The following NKAIN3 variants were observed in gnomAD, a reference collection of about 807,000 sequenced individuals.
NKAIN3 encodes the protein sodium/potassium transporting ATPase interacting 3.
Under a neutral mutation model 30.2 loss-of-function variants are expected in NKAIN3, and 25 were observed. The observed-to-expected ratio is 0.83, with a 90% CI of 0.60 to 1.16. The LOEUF (loss-of-function observed/expected upper bound fraction) is 1.16. Among genes scored for constraint, NKAIN3 ranks in the 50% most tolerant of loss-of-function variants. The pLI, the probability that NKAIN3 is intolerant of heterozygous loss-of-function variation, is 0.00. For missense variants in NKAIN3, 225 were observed against 254.1 expected, an observed-to-expected ratio of 0.89 and a Z score of 0.78; for synonymous variants, 91 against 89.6, an observed-to-expected ratio of 1.02 and a Z score of -0.09.
At chr8:62,905,462 A>G (rs1313573095) in intron 4 of NKAIN3, among the ~76,000 whole-genome samples, 2 of 152,242 alleles carry the variant, frequency 1.3e-5, no homozygotes, top group African/African-American at 2.4e-5. Flanking sequence ...TAATTGCTAT[A>G]AAACTCACCT....
At chr8:62,284,463 C>G (rs966316926) in intron 1 of NKAIN3, among the ~76,000 whole-genome samples, 23 of 151,884 alleles carry the variant, frequency 1.5e-4, no homozygotes, top group Admixed American at 1.1e-3. Flanking sequence ...CCCATCTCTA[C>G]GAAAAATACA....
chr8:62,339,472 G>A (rs1304637086), intron 1 of NKAIN3, among the ~76,000 whole-genome samples: 1 of 151,974 alleles, frequency 6.6e-6, no homozygotes, highest in Non-Finnish European at 1.5e-5. Flanking sequence ...AACGTCCGGG[G>A]ATAAAAGTTC....
intron 4 of NKAIN3, among the ~76,000 whole-genome samples, chr8:62,917,999 G>A (rs747070337): frequency 7.9e-5 from 12 of 152,156 alleles, no homozygotes; most frequent in Non-Finnish European, 1.8e-4. Flanking sequence ...CATTCCCAGA[G>A]CATTTTAAAT....
chr8:62,898,939 T>C (rs182066339), intron 4 of NKAIN3, among the ~76,000 whole-genome samples: 1 of 137,558 alleles, frequency 7.3e-6, no homozygotes, highest in African/African-American at 2.8e-5. Flanking sequence ...AGATATTTCT[T>C]AAAAGAAAAC....
intron 3 of NKAIN3, among the ~76,000 whole-genome samples, chr8:62,741,531 A>G (rs985355690): frequency 7.9e-5 from 12 of 152,224 alleles, no homozygotes; most frequent in Admixed American, 2.6e-4. Context: ...TCTTATCACC[A>G]GAGTTGAAGA....
intron 3 of NKAIN3, among the ~76,000 whole-genome samples, chr8:62,604,338 T>G (rs374735510): frequency 1.3e-5 from 2 of 152,276 alleles, no homozygotes; most frequent in Admixed American, 6.5e-5. Context: ...TTGCCTGCTT[T>G]CTGATTCAGG....
At chr8:62,421,132 C>A (rs1408620892) in intron 1 of NKAIN3, among the ~76,000 whole-genome samples, 1 of 152,126 alleles carries the variant, frequency 6.6e-6, no homozygotes, top group African/African-American at 2.4e-5. Context: ...TCAGTCCTTA[C>A]CATGAGGTGG....
At chr8:62,582,978 T>C (rs1043859205) in intron 2 of NKAIN3, among the ~76,000 whole-genome samples, 2 of 152,176 alleles carry the variant, frequency 1.3e-5, no homozygotes, top group African/African-American at 4.8e-5. Context: ...GCCTGGTGTT[T>C]GTGTCCCGGT....
At chr8:62,648,559 G>A (rs966043905) in intron 3 of NKAIN3, among the ~76,000 whole-genome samples, 6 of 152,014 alleles carry the variant, frequency 3.9e-5, no homozygotes, top group African/African-American at 1.5e-4. Flanking sequence ...AATACACAGG[G>A]GTATATCACC....
At chr8:62,282,721 T>A (rs1188739004) in intron 1 of NKAIN3, among the ~76,000 whole-genome samples, 1 of 152,202 alleles carries the variant, frequency 6.6e-6, no homozygotes, top group Non-Finnish European at 1.5e-5. Context: ...TTGTTTGTAT[T>A]TGCCTGTGAT....
chr8:62,404,402 G>T (rs928260763), intron 1 of NKAIN3, among the ~76,000 whole-genome samples: 1 of 152,130 alleles, frequency 6.6e-6, no homozygotes, highest in African/African-American at 2.4e-5. Context: ...TTGAATTGTA[G>T]ATCCAATAAT....
At chr8:62,832,567 A>G (rs1434643580) in intron 4 of NKAIN3, among the ~76,000 whole-genome samples, 1 of 151,432 alleles carries the variant, frequency 6.6e-6, no homozygotes, top group Non-Finnish European at 1.5e-5. Flanking sequence ...CATTATCATT[A>G]TAATGATATT....
chr8:62,499,388 GTAAC>G (rs1335594850), intron 1 of NKAIN3, among the ~76,000 whole-genome samples: 1 of 152,070 alleles, frequency 6.6e-6, no homozygotes. Flanking sequence ...TCTGGAGATA[GTAAC>G]TGTATTTTCT....
intron 1 of NKAIN3, among the ~76,000 whole-genome samples, chr8:62,280,439 C>T (rs1813140622): frequency 6.6e-6 from 1 of 152,080 alleles, no homozygotes; most frequent in Non-Finnish European, 1.5e-5. Context: ...GAGACGGCAT[C>T]CCTATCTTGT....
intron 1 of NKAIN3, among the ~76,000 whole-genome samples, chr8:62,507,268 C>T (rs1031119406): frequency 5.3e-5 from 8 of 152,120 alleles, no homozygotes; most frequent in East Asian, 1.9e-4. Flanking sequence ...GTGAACAAAG[C>T]GTAAATGCTG....
intron 1 of NKAIN3, among the ~76,000 whole-genome samples, chr8:62,428,343 T>C (rs532142897): frequency 6.6e-6 from 1 of 152,088 alleles, no homozygotes; most frequent in African/African-American, 2.4e-5. Flanking sequence ...ATTTCCTTTC[T>C]TTTGAATACG....
intron 1 of NKAIN3, among the ~76,000 whole-genome samples, chr8:62,527,882 G>GGTGTGTGTGT (rs68020312): frequency 0.26 from 37,176 of 143,402 alleles, 5,901 homozygotes; most frequent in Non-Finnish European, 0.37. Context: ...ACTTTTTTTT[G>GGTGTGTGTGT]GTGTGTGTGT....
intron 3 of NKAIN3, among the ~76,000 whole-genome samples, chr8:62,735,620 C>T (rs1430296398): frequency 6.6e-6 from 1 of 152,104 alleles, no homozygotes; most frequent in East Asian, 1.9e-4. Flanking sequence ...CTTAATAATA[C>T]ACCTTCTGAA....
At chr8:62,957,618 C>T (rs1186850164) in intron 6 of NKAIN3, among the ~76,000 whole-genome samples, 1 of 152,072 alleles carries the variant, frequency 6.6e-6, no homozygotes, top group Non-Finnish European at 1.5e-5. Flanking sequence ...GGAAGTCAAA[C>T]TGAAAAGGCT....
Sources: allele counts gnomAD v4.1 joint callset (sites outside exome capture counted in the v4.1 genomes callset), GRCh38; gene constraint gnomAD v4.1.1; transcripts MANE v1.5; gene names NCBI Gene and HGNC (gene_info 2026-07-23, HGNC 2026-07-21).